Variants in STARD3 observed in about 807,000 individuals in gnomAD.
STARD3 encodes the protein stAR-related lipid transfer protein 3.
A neutral mutation model predicts 62.0 loss-of-function variants in STARD3; 39 were observed. That is an observed-to-expected ratio of 0.63 (90% confidence interval 0.49 to 0.82). The LOEUF is 0.82. Among genes scored for constraint, STARD3 ranks in the 40% least tolerant of loss-of-function variants. STARD3 has a pLI of 0.00. For synonymous variants in STARD3, 229 were observed against 242.4 expected, an observed-to-expected ratio of 0.94 and a Z score of 0.51; for missense variants, 543 against 584.5, an observed-to-expected ratio of 0.93 and a Z score of 0.73.
intron 3 of STARD3, 116 bp from the exon 4 acceptor site, chr17:39,657,659 G>T (rs2145013397): frequency 9.5e-7 from 1 of 1,047,696 alleles, no homozygotes; most frequent in South Asian, 1.3e-5. Flanking sequence ...GTTGTCCCCT[G>T]AGGTGTGCAT....
chr17:39,658,037 C>T lies in STARD3; in HGVS notation c.429+11C>T. On this transcript the variant is annotated intron_variant, in intron 5 of 14. Coordinates refer to ENST00000336308, the MANE Select transcript of STARD3 (RefSeq NM_006804.4). The stretch of plus-strand genomic sequence containing the variant: ...GTCATCCTCTCTGAGGTCAGTGGCT[C>T]AGGGTCTGGCCAGTCTGGTGGGCAT... The T allele has an allele frequency of 6.4e-7, 1 of 1,554,340 alleles. No homozygotes were observed. The highest frequency in any genetic ancestry group is 8.7e-7 in the Non-Finnish European group (1 of 1,148,482).
At chr17:39,642,353 C>T (rs763460844) in intron 1 of STARD3, among the ~76,000 whole-genome samples, 45 of 152,342 alleles carry the variant, frequency 3.0e-4, no homozygotes, top group Admixed American at 9.8e-4. Flanking sequence ...GTTCCTCTTT[C>T]CTTCTTGTGG....
At chr17:39,637,394 C>T (rs1284692532) in intron 1 of STARD3, 163 bp downstream of exon 1, 1 of 152,334 alleles carries the variant, frequency 6.6e-6, no homozygotes, top group African/African-American at 2.4e-5. Flanking sequence ...CCTCGCGCCG[C>T]CCCGCGCGGG....
At chr17:39,648,289 A>G (rs2057045562) in intron 1 of STARD3, among the ~76,000 whole-genome samples, 1 of 152,114 alleles carries the variant, frequency 6.6e-6, no homozygotes, top group African/African-American at 2.4e-5. Context: ...TCCGTCTCAA[A>G]AAATTAATAA....
chr17:39,648,515 C>T (rs909953211), intron 1 of STARD3, among the ~76,000 whole-genome samples: 1 of 152,110 alleles, frequency 6.6e-6, no homozygotes, highest in Non-Finnish European at 1.5e-5. Flanking sequence ...GACTTTCCCC[C>T]AGATAAACAG....
chr17:39,658,123 G>A, intron 5 of STARD3, 97 bp downstream of exon 5: 1 of 1,343,750 alleles, frequency 7.4e-7, no homozygotes, highest in Middle Eastern at 1.8e-4. Context: ...GTCTGTCCCT[G>A]TTGTCCGGGT....
In STARD3 at chr17:39,653,624, C is replaced by A; in HGVS notation, c.93C>A (p.Ser31Arg). 1 of 1,613,658 alleles carries A rather than the reference C, an allele frequency of 6.2e-7. No individual in the cohort carries two copies. Residue 31 changes from serine (S) to arginine (R), a missense_variant, in exon 2 of 15, where the codon AGC (serine) becomes AGA (arginine). Ser to Arg is a moderately radical substitution (Grantham distance 110). Transcript: ENST00000336308. The part of the protein sequence containing the change: ...SLGSSLSHSQ[S>R]LSSHLLPPPE... ...GCTCCTCACTGTCCCACAGCCAGAG[C>A]CTCTCCTCGCACCTCCTTCCGCCGC...
rs2057177693 is a variant in STARD3 at position 39,660,020 on chromosome 17, A to T, written c.796-191A>T. On this transcript the variant is annotated intron_variant, in intron 9 of 14. Coordinates refer to ENST00000336308, the MANE Select transcript of STARD3 (RefSeq NM_006804.4). This position sits in a 1 kb window ranked among gnomAD's most constrained non-coding sequence, Gnocchi z 4.8. The stretch of plus-strand genomic sequence containing the variant: ...CCCCGTCTTTTAACTCGACATCAAA[A>T]GCCTCTCTCCTGCCAGTGCCATAGG... 1 of 604,784 alleles carries T rather than the reference A, an allele frequency of 1.7e-6. No individual in the cohort carries two copies. The highest frequency in any genetic ancestry group is 2.9e-6 in the Non-Finnish European group (1 of 340,596). 37.5% of individuals were successfully genotyped at this position (604,784 alleles called of 1,614,324 possible). A position where few individuals can be genotyped will look rare whatever the true frequency, so the allele number is the denominator to read the frequency against.
chr17:39,660,953 T>C lies in STARD3; in HGVS notation c.1035-28T>C. 6.2e-7 allele frequency: 1 copy of C among 1,612,056 alleles called. No homozygotes were observed. Among genetic ancestry groups the C allele is most frequent in the Non-Finnish European group, 8.5e-7 (1 of 1,178,694 alleles). On this transcript the variant is annotated intron_variant, in intron 12 of 14. Coordinates refer to ENST00000336308, the MANE Select transcript of STARD3 (RefSeq NM_006804.4). This position sits in a 1 kb window ranked among gnomAD's most constrained non-coding sequence, Gnocchi z 4.8. ...TCTGCACTTTGGCCTTGGGTCATTG[T>C]CCCCTGAACTAACCCTCCCTCCCGC...
intron 1 of STARD3, among the ~76,000 whole-genome samples, chr17:39,647,372 G>A (rs2057036382): frequency 6.6e-6 from 1 of 152,148 alleles, no homozygotes; most frequent in Non-Finnish European, 1.5e-5. Flanking sequence ...AGGTGCTTGG[G>A]AGAGGCCAGT....
At chr17:39,656,470 A>G (rs1337843606) in intron 2 of STARD3, among the ~76,000 whole-genome samples, 1 of 152,160 alleles carries the variant, frequency 6.6e-6, no homozygotes, top group Admixed American at 6.5e-5. Flanking sequence ...GCAAGGACAC[A>G]TCCACTCCGT....
chr17:39,663,337 G>T lies in STARD3; in HGVS notation c.*429G>T. 1 of 339,654 alleles carries T rather than the reference G, an allele frequency of 2.9e-6. No homozygotes were observed. 21.0% of individuals were successfully genotyped at this position (339,654 alleles called of 1,614,324 possible). On this transcript the variant is annotated 3_prime_UTR_variant, in exon 15 of 15. Transcript: ENST00000336308. ...TTTTAGGATTATTGAAAGAGTCTGG[G>T]ACCCTTGTTGGGGAGTGGGTGGCAG...
In STARD3 at chr17:39,653,549, G is replaced by A. The variant is rs747611901; in HGVS notation, c.18G>A (p.Arg6=). The change falls in exon 2 of 15, where the codon AGG becomes AGA. Residue 6 remains arginine (R), a synonymous_variant. Coordinates refer to ENST00000336308, the MANE Select transcript of STARD3 (RefSeq NM_006804.4). MSKLP[R]ELTRDLERSL... Reference sequence around the variant, plus strand: ...CCACCAGGATGAGCAAGCTGCCCAGGGAGCTGACCCGAGACTTGGAGCGCA... The same window carrying A: ...CCACCAGGATGAGCAAGCTGCCCAGAGAGCTGACCCGAGACTTGGAGCGCA... 6.2e-7 allele frequency: 1 copy of A among 1,604,970 alleles called. No individual in the cohort carries two copies. The highest frequency in any genetic ancestry group is 8.5e-7 in the Non-Finnish European group (1 of 1,179,896).
At chr17:39,640,168 G>A (rs2144887068) in intron 1 of STARD3, among the ~76,000 whole-genome samples, 1 of 152,332 alleles carries the variant, frequency 6.6e-6, no homozygotes, top group Middle Eastern at 3.4e-3. Context: ...AGGGAGAGCG[G>A]TGCGGGGGAG....
intron 1 of STARD3, among the ~76,000 whole-genome samples, chr17:39,638,797 A>G (rs1466657083): frequency 6.6e-6 from 1 of 152,202 alleles, no homozygotes; most frequent in Non-Finnish European, 1.5e-5. Context: ...TGAATGGAAT[A>G]TTGTATGTTT....
At chr17:39,644,584 C>T (rs910763629) in intron 1 of STARD3, among the ~76,000 whole-genome samples, 1 of 150,752 alleles carries the variant, frequency 6.6e-6, no homozygotes, top group Non-Finnish European at 1.5e-5. Flanking sequence ...TGGTGTAATT[C>T]CAGCACTTTG....
intron 6 of STARD3, 52 bp from the exon 7 acceptor site, chr17:39,658,670 A>T (rs760736367): frequency 6.8e-6 from 11 of 1,608,862 alleles, no homozygotes; most frequent in Non-Finnish European, 9.4e-6. Flanking sequence ...GGGGTACCCC[A>T]GGCTGCTAGG....
intron 2 of STARD3, 115 bp downstream of exon 2, chr17:39,653,865 A>G (rs2144983053): frequency 8.5e-7 from 1 of 1,179,186 alleles, no homozygotes; most frequent in Admixed American, 2.0e-5. Flanking sequence ...GCTGGGTAAA[A>G]TGAAGACTGG....
At chr17:39,657,355 G>A (rs111869401) in intron 3 of STARD3, among the ~76,000 whole-genome samples, 3 of 151,974 alleles carry the variant, frequency 2.0e-5, no homozygotes, top group African/African-American at 7.3e-5. Context: ...GTGAAACCCC[G>A]CCTCTACTAA....
Sources: gnomAD v4.1 joint callset for allele counts (sites outside exome capture counted in the v4.1 genomes callset) on GRCh38, gnomAD v4.1.1 for gene constraint, Gnocchi (gnomAD v3.1) non-coding constraint, MANE v1.5 for transcripts, NCBI Gene and HGNC (gene_info 2026-07-23, HGNC 2026-07-21) for gene names.